Variants in ADK observed in about 807,000 individuals in gnomAD.
The protein encoded by ADK is adenosine kinase.
A neutral mutation model predicts 44.7 loss-of-function variants in ADK; 24 were observed. That is an observed-to-expected ratio of 0.54 (90% CI 0.39 to 0.76). ADK has a LOEUF of 0.76. Ranked by LOEUF, ADK falls within the 30% of genes least tolerant of loss-of-function variation. ADK has a pLI of 0.00. For synonymous variants in ADK, 128 were observed against 142.6 expected (o/e 0.90, Z 0.73); for missense variants, 321 against 425.1 (o/e 0.76, Z 2.15).
chr10:74,225,760 G>T (rs185905337), intron 3 of ADK, among the ~76,000 whole-genome samples: 1 of 151,998 alleles, frequency 6.6e-6, no homozygotes, highest in South Asian at 2.1e-4. Flanking sequence ...TCCATAGTGG[G>T]TTCTCAAATA....
intron 9 of ADK, among the ~76,000 whole-genome samples, chr10:74,637,302 C>A (rs1038192844): frequency 3.3e-5 from 5 of 150,876 alleles, no homozygotes; most frequent in Admixed American, 2.6e-4. Context: ...CAGTTTTTTT[C>A]AAAAATGACA....
chr10:74,429,413 A>G (rs796999015), intron 6 of ADK, among the ~76,000 whole-genome samples: 18 of 152,328 alleles, frequency 1.2e-4, no homozygotes, highest in African/African-American at 4.1e-4. Context: ...CCCAATTTTA[A>G]GAATTAATTC....
chr10:74,410,142 T>A (rs1844118457), intron 6 of ADK, among the ~76,000 whole-genome samples: 1 of 152,146 alleles, frequency 6.6e-6, no homozygotes, highest in South Asian at 2.1e-4. Flanking sequence ...AAATAATTTC[T>A]ATTTTTTTAG....
chr10:74,218,223 C>G (rs1844141829), intron 2 of ADK, among the ~76,000 whole-genome samples: 1 of 152,046 alleles, frequency 6.6e-6, no homozygotes, highest in African/African-American at 2.4e-5. Flanking sequence ...GTGAAGAATG[C>G]AGAAGCCTCA....
intron 6 of ADK, among the ~76,000 whole-genome samples, chr10:74,438,975 A>G (rs1198504354): frequency 3.9e-5 from 6 of 152,238 alleles, no homozygotes; most frequent in African/African-American, 9.6e-5. Flanking sequence ...CTTTATCTAC[A>G]TTCTGAACCA....
chr10:74,346,089 G>A lies in ADK; in HGVS notation c.273+31344G>A, dbSNP rs781104833. 3.9e-5 allele frequency among the ~76,000 whole-genome samples: 6 copies of A among 152,192 alleles called. No homozygotes were observed. In the South Asian group the frequency reaches 8.3e-4, roughly 21 times the overall value. On this transcript the variant is annotated intron_variant, in intron 4 of 10. Coordinates refer to ENST00000539909, the MANE Select transcript of ADK (RefSeq NM_006721.4). ...GTATTTTTAGTAGAGATGGGGTTTC[G>A]CCCTGTTGGGCAAGCTGGTCTCAAA...
chr10:74,275,737 CA>C (rs1432753221), intron 3 of ADK, among the ~76,000 whole-genome samples: 6 of 152,292 alleles, frequency 3.9e-5, no homozygotes, highest in African/African-American at 1.2e-4. Context: ...TGGCTTACTA[CA>C]ACCTCCACCT....
At chr10:74,472,277 C>G (rs1025802139) in intron 6 of ADK, among the ~76,000 whole-genome samples, 1 of 152,052 alleles carries the variant, frequency 6.6e-6, no homozygotes, top group Admixed American at 6.6e-5. Context: ...TTTTTACCAT[C>G]GAGTATTATA....
intron 9 of ADK, among the ~76,000 whole-genome samples, chr10:74,665,389 C>T (rs571880248): frequency 7.9e-5 from 12 of 152,162 alleles, no homozygotes; most frequent in Non-Finnish European, 1.3e-4. Context: ...TTCTTCCATG[C>T]CTATTGATGC....
chr10:74,151,789 C>T (rs1231163128), intron 1 of ADK, among the ~76,000 whole-genome samples: 4 of 152,204 alleles, frequency 2.6e-5, no homozygotes, highest in Non-Finnish European at 5.9e-5. Flanking sequence ...CGGAAGGGCA[C>T]GTTGACCTTC....
intron 1 of ADK, among the ~76,000 whole-genome samples, chr10:74,172,137 CT>C (rs3998223): frequency 0.5 from 60,916 of 122,418 alleles, 15,030 homozygotes; most frequent in Non-Finnish European, 0.57. Context: ...CATGGATTTT[CT>C]TTTTTTTTTT....
chr10:74,555,195 G>T (rs984570078), intron 7 of ADK, among the ~76,000 whole-genome samples: 3 of 152,280 alleles, frequency 2.0e-5, no homozygotes, highest in African/African-American at 7.2e-5. Flanking sequence ...CAGAGGTTGA[G>T]GCTGCAGTGA....
intron 9 of ADK, among the ~76,000 whole-genome samples, chr10:74,663,048 C>T (rs998477742): frequency 5.3e-5 from 8 of 151,656 alleles, no homozygotes; most frequent in East Asian, 1.9e-4. Context: ...CAAGCCTGGC[C>T]GACATGATGA....
Position 74,694,917 on chromosome 10 carries a change from C to T in ADK, c.965-13404C>T, listed in dbSNP as rs117581476. Among the ~76,000 whole-genome samples the T allele has an allele frequency of 1.0e-3, 157 of 151,582 alleles. 3 individuals carry two copies. In the East Asian group the frequency reaches 0.029, roughly 28 times the overall value. On this transcript the variant is annotated intron_variant, in intron 10 of 10. Transcript: ENST00000539909. ...TTCTTCTAAAAGTCTTACTATTTTT[C>T]CATTTACATTTAACTCATTGATAGA...
At chr10:74,434,466 T>A (rs183917422) in intron 6 of ADK, among the ~76,000 whole-genome samples, 10 of 152,276 alleles carry the variant, frequency 6.6e-5, no homozygotes, top group Admixed American at 6.5e-4. Context: ...TATTTGCAAT[T>A]CTAAAATCGG....
intron 3 of ADK, among the ~76,000 whole-genome samples, chr10:74,258,657 G>T (rs1413286534): frequency 6.6e-6 from 1 of 151,998 alleles, no homozygotes; most frequent in Non-Finnish European, 1.5e-5. Flanking sequence ...AAAAAATGAA[G>T]GGTCATAATC....
At chr10:74,173,091 T>G (rs1842214234) in intron 1 of ADK, among the ~76,000 whole-genome samples, 1 of 151,886 alleles carries the variant, frequency 6.6e-6, no homozygotes, top group African/African-American at 2.4e-5. Context: ...AAAATTAGTT[T>G]TTTTTTTTTC....
intron 1 of ADK, chr10:74,176,668 C>T (rs889187332): frequency 5.6e-6 from 8 of 1,429,014 alleles, no homozygotes; most frequent in South Asian, 4.4e-5. Context: ...TCCAGCCCTT[C>T]GCACGGGGCG....
chr10:74,161,695 T>G (rs1341944434), intron 1 of ADK, among the ~76,000 whole-genome samples: 2 of 151,772 alleles, frequency 1.3e-5, no homozygotes, highest in Admixed American at 1.3e-4. Context: ...AGGGAATTCT[T>G]AACACTTTTT....
Sources: allele counts gnomAD v4.1 joint callset (sites outside exome capture counted in the v4.1 genomes callset), GRCh38; gene constraint gnomAD v4.1.1; transcripts MANE v1.5; gene names NCBI Gene and HGNC (gene_info 2026-07-23, HGNC 2026-07-21).